BACH1: variants seen among roughly 807,000 people sequenced by gnomAD.
The protein encoded by BACH1 is BTB domain and CNC homolog 1.
BACH1 carries 35 observed loss-of-function variants against 52.9 expected under a neutral mutation model. That is an observed-to-expected ratio of 0.66 (90% CI 0.51 to 0.88). The LOEUF is 0.88. Among genes scored for constraint, BACH1 ranks in the 40% least tolerant of loss-of-function variants. BACH1 has a pLI of 0.00. For missense variants in BACH1, 808 were observed against 872.6 expected (o/e 0.93, Z 0.93); for synonymous variants, 321 against 319.6 (o/e 1.00, Z -0.05).
At chr21:29,347,146 T>C (rs2089174203), downstream of BACH1, among the ~76,000 whole-genome samples, 1 of 152,162 alleles carries the variant, frequency 6.6e-6, no homozygotes, top group South Asian at 2.1e-4. Context: ...TTTTGAACCA[T>C]TTGAGAAATA....
In BACH1 at chr21:29,326,310, G is replaced by A. The variant is rs2067529128; in HGVS notation, c.486G>A (p.Gln162=). The A allele has an allele frequency of 6.2e-7, 1 of 1,614,190 alleles. No individual in the cohort carries two copies. The highest frequency in any genetic ancestry group is 1.3e-5 in the African/African-American group (1 of 75,030). ...KTDLKLSLLD[Q]RDLETDEVEE... is the part of the protein sequence containing the mutation. Reference sequence around the variant, plus strand: ...ACCTTAAACTTTCACTTTTGGACCAGAGGGATCTAGAAACTGATGAAGTGG... The same window carrying A: ...ACCTTAAACTTTCACTTTTGGACCAAAGGGATCTAGAAACTGATGAAGTGG... The change falls in exon 3 of 5, where the codon CAG becomes CAA. Residue 162 remains glutamine (Q), a synonymous_variant. Coordinates refer to ENST00000286800, the MANE Select transcript of BACH1 (RefSeq NM_001186.4).
chr21:29,340,872 C>T (rs1488330580), intron 4 of BACH1, among the ~76,000 whole-genome samples: 3 of 150,998 alleles, frequency 2.0e-5, no homozygotes, highest in Admixed American at 6.6e-5. Flanking sequence ...CAGAAGAGTG[C>T]AACTGATAAA....
At chr21:29,352,272 T>G (rs929223030) in intron 2 of BACH1, among the ~76,000 whole-genome samples, 6 of 152,078 alleles carry the variant, frequency 3.9e-5, no homozygotes, top group African/African-American at 1.4e-4. Flanking sequence ...CAGGCTGGTC[T>G]TGAACTCCTG....
intron 3 of BACH1, 139 bp from the exon 4 acceptor site, chr21:29,329,348 G>T: frequency 3.2e-6 from 2 of 626,176 alleles, no homozygotes; most frequent in Non-Finnish European, 5.1e-6. Flanking sequence ...AGATTGTATA[G>T]AAATTGGGAT....
chr21:29,304,438 A>G (rs1470280007), intron 1 of BACH1, among the ~76,000 whole-genome samples: 2 of 151,984 alleles, frequency 1.3e-5, no homozygotes, highest in Non-Finnish European at 2.9e-5. Flanking sequence ...AATTATTCCC[A>G]GTTTCTTTCA....
intron 4 of BACH1, among the ~76,000 whole-genome samples, chr21:29,337,605 GT>G (rs1226332045): frequency 6.6e-6 from 1 of 152,062 alleles, no homozygotes; most frequent in Non-Finnish European, 1.5e-5. Flanking sequence ...AATGAAACCA[GT>G]TTTTTTCCTC....
At chr21:29,301,410 A>G (rs922058391) in intron 1 of BACH1, among the ~76,000 whole-genome samples, 2 of 152,156 alleles carry the variant, frequency 1.3e-5, no homozygotes, top group Admixed American at 1.3e-4. Flanking sequence ...TCTTTCAACA[A>G]CCGGAATGCT....
In BACH1 at chr21:29,342,382, C is replaced by T. The variant is rs771872627; in HGVS notation, c.1777-17C>T. On this transcript the variant is annotated splice_polypyrimidine_tract_variant and intron_variant, in intron 4 of 4. Coordinates refer to ENST00000286800, the MANE Select transcript of BACH1 (RefSeq NM_001186.4). ...TAATAAACACAAGCCATTGTGTTCT[C>T]TTTCCCCACTTCACAGCAAAGTGAA... 5 of 1,604,530 alleles carry T rather than the reference C, an allele frequency of 3.1e-6. No individual in the cohort carries two copies. In the East Asian group the frequency reaches 1.1e-4, roughly 36 times the overall value.
downstream of BACH1, chr21:29,346,177 T>A (rs1303061825): frequency 6.6e-6 from 1 of 152,236 alleles, no homozygotes; most frequent in East Asian, 1.9e-4. Context: ...TTTCATTTTC[T>A]CACTTCATGT....
chr21:29,308,031 T>C (rs2088678231), intron 1 of BACH1, among the ~76,000 whole-genome samples: 1 of 152,212 alleles, frequency 6.6e-6, no homozygotes, highest in Non-Finnish European at 1.5e-5. Context: ...ACTACCAATA[T>C]AATTTTTGTC....
chr21:29,319,235 G>A (rs967383617), intron 1 of BACH1, among the ~76,000 whole-genome samples: 1 of 152,156 alleles, frequency 6.6e-6, no homozygotes, highest in East Asian at 1.9e-4. Flanking sequence ...AGACTTAAAC[G>A]TGTTCATTAA....
Position 29,326,964 on chromosome 21 carries a change from T to C in BACH1, c.1140T>C (p.Ser380=), listed in dbSNP as rs1340283076. ...KSDLGTREDS[S]VASSDRSSVE... ...ACTTGGGCACCAGGGAAGATAGTAGTGTTGCATCTAGTGATAGGAGTAGTG... is the reference window on the plus strand; with the variant it reads ...ACTTGGGCACCAGGGAAGATAGTAGCGTTGCATCTAGTGATAGGAGTAGTG... The change falls in exon 3 of 5, where the codon AGT becomes AGC. Residue 380 remains serine, a synonymous_variant. Transcript: ENST00000286800. 1.2e-6 allele frequency: 2 copies of C among 1,614,176 alleles called. No homozygotes were observed. The highest frequency in any genetic ancestry group is 1.7e-5 in the Admixed American group (1 of 60,022).
Position 29,327,030 on chromosome 21 carries a change from G to A in BACH1, c.1206G>A (p.Trp402Ter). ...EVAEHLAKGF[W>*]SDICSTDTPC... ...CAGAACACCTAGCAAAAGGCTTCTG[G>A]AGTGACATTTGCAGCACGGACACTC... The change falls in exon 3 of 5, where the codon TGG becomes TGA. Residue 402 changes from tryptophan to a stop codon, truncating the protein, a stop_gained. Coordinates refer to ENST00000286800, the MANE Select transcript of BACH1 (RefSeq NM_001186.4). LOFTEE classifies it high-confidence loss of function. 6.2e-7 allele frequency: 1 copy of A among 1,614,204 alleles called. No homozygotes were observed. Among genetic ancestry groups the A allele is most frequent in the Non-Finnish European group, 8.5e-7 (1 of 1,180,040 alleles).
chr21:29,312,217 G>T (rs1161356684), intron 1 of BACH1, among the ~76,000 whole-genome samples: 8 of 152,080 alleles, frequency 5.3e-5, no homozygotes, highest in Non-Finnish European at 1.5e-5. Context: ...CGTGTTGGGG[G>T]AATTTTCATT....
At position 29,342,699 on chromosome 21, in the gene BACH1, G is replaced by A. The variant is rs575274878; in HGVS notation, c.2077G>A (p.Ala693Thr). 23 of 1,614,198 alleles carry A rather than the reference G, an allele frequency of 1.4e-5. No individual in the cohort carries two copies. The highest frequency in any genetic ancestry group is 7.7e-5 in the South Asian group (7 of 91,074). ...CAGAGGAAACAGTGAGCCTGGCTAC[G>A]CGCGAGGGCAGGAGTCCCAGCAGAT... is the stretch of plus-strand genomic sequence containing the variant. ...CARGNSEPGYARGQESQQMST... is the reference protein window; with the variant it reads ...CARGNSEPGYTRGQESQQMST... The change falls in exon 5 of 5, where the codon GCG (alanine) becomes ACG (threonine). Residue 693 changes from alanine to threonine, a missense_variant. Physicochemically the swap from Ala to Thr is moderately conservative, Grantham distance 58. Coordinates refer to ENST00000286800, the MANE Select transcript of BACH1 (RefSeq NM_001186.4).
chr21:29,359,225 C>T (rs974039187), intron 2 of BACH1: 14 of 151,852 alleles, frequency 9.2e-5, no homozygotes, highest in South Asian at 4.2e-4. Context: ...ACACTGTACT[C>T]GGCTCTTTTT....
chr21:29,321,170 C>A, intron 1 of BACH1, 51 bp from the exon 2 acceptor site: 1 of 962,242 alleles, frequency 1.0e-6, no homozygotes, highest in Non-Finnish European at 1.6e-6. Context: ...TTGACACTGT[C>A]ATTTTTTAAC....
intron 2 of BACH1, among the ~76,000 whole-genome samples, chr21:29,359,726 C>G (rs940383209): frequency 2.0e-5 from 3 of 152,026 alleles, no homozygotes; most frequent in Non-Finnish European, 4.4e-5. Context: ...AATAAAAAAG[C>G]TACATACCTC....
chr21:29,354,290 C>T (rs141048478), intron 2 of BACH1, among the ~76,000 whole-genome samples: 167 of 146,970 alleles, frequency 1.1e-3, no homozygotes, highest in African/African-American at 3.7e-3. Context: ...AGAGTCCAGA[C>T]CTTCTCAGGT....
Sources: gnomAD v4.1 joint callset for allele counts (sites outside exome capture counted in the v4.1 genomes callset) on GRCh38, gnomAD v4.1.1 for gene constraint, MANE v1.5 for transcripts, NCBI Gene and HGNC (gene_info 2026-07-23, HGNC 2026-07-21) for gene names.